GNAT2: variants seen among roughly 807,000 people sequenced by gnomAD.
GNAT2 encodes G protein subunit alpha transducin 2.
A neutral mutation model predicts 40.9 loss-of-function variants in GNAT2; 32 were observed. That is an observed-to-expected ratio of 0.78 (90% CI 0.59 to 1.05). GNAT2 has a LOEUF of 1.05. GNAT2 is among the 50% of genes least tolerant of loss of function. The pLI is 0.00. For missense variants in GNAT2, 355 were observed against 431.5 expected, an observed-to-expected ratio of 0.82 and a Z score of 1.57; for synonymous variants, 141 against 157.2, an observed-to-expected ratio of 0.90 and a Z score of 0.77.
rs1346748178 is a variant in GNAT2 at position 109,609,855 on chromosome 1, T to C, written c.303+185A>G. 7 of 676,626 alleles carry C rather than the reference T, an allele frequency of 1.0e-5. No individual in the cohort carries two copies. The South Asian group carries it at 1.1e-4, about 11-fold the overall frequency. The allele number at this position is 676,626 out of a possible 1,614,324, so 41.9% of individuals were successfully genotyped here. On this transcript the variant is annotated intron_variant, in intron 4 of 8. Transcript: ENST00000679935. ...CCGTCTACCTTAAGGTCTTACTGCG[T>C]AGATGGGTAAAGGGCCTTGAGATGG...
rs1314970248 is a variant in GNAT2, at chr1:109,606,000, A to G, written c.690T>C (p.Tyr230=). Residue 230 remains tyrosine, a synonymous_variant, in exon 7 of 9, where the codon TAT becomes TAC. Coordinates refer to ENST00000679935, the MANE Select transcript of GNAT2 (RefSeq NM_001377295.2). ...CIIFCAALSA[Y]DMVLVEDDEV... ...CGTCATCTTCCACCAGCACCATATC[A>G]TAGGCACTGAGGGCTGCACAGAAAA... is the stretch of plus-strand genomic sequence containing the variant. 7.4e-6 allele frequency: 12 copies of G among 1,613,512 alleles called. No homozygotes were observed. Among genetic ancestry groups the G allele is most frequent in the African/African-American group, 1.3e-5 (1 of 74,928 alleles).
At chr1:109,612,716 C>T (rs1425174750) in intron 2 of GNAT2, 37 bp downstream of exon 2, 1 of 1,250,664 alleles carries the variant, frequency 8.0e-7, no homozygotes, top group Non-Finnish European at 1.2e-6. Context: ...TAGGAAGGAC[C>T]CCTGCCTTCT....
chr1:109,603,334 T>A lies in GNAT2; in HGVS notation c.*20A>T. ...ATTCCAAGCCTGTTTATAGAACTTA[T>A]ACCTGAGGAATGGTGAGGATTAGAA... is the stretch of plus-strand genomic sequence containing the variant. On this transcript the variant is annotated 3_prime_UTR_variant, in exon 9 of 9. Transcript: ENST00000679935. The A allele has an allele frequency of 7.1e-7, 1 of 1,409,760 alleles. No homozygotes were observed. The highest frequency in any genetic ancestry group is 1.0e-6 in the Non-Finnish European group (1 of 994,552). The allele number at this position is 1,409,760 out of a possible 1,614,324, so 87.3% of individuals were successfully genotyped here.
At chr1:109,614,721 G>A (rs1308329959) in intron 1 of GNAT2, 1 of 152,242 alleles carries the variant, frequency 6.6e-6, no homozygotes, top group African/African-American at 2.4e-5. Flanking sequence ...GGGAAGGTCA[G>A]GAGTAGAATC....
At chr1:109,608,922 T>G in intron 4 of GNAT2, 134 bp from the exon 5 acceptor site, 2 of 765,998 alleles carry the variant, frequency 2.6e-6, no homozygotes, top group South Asian at 2.9e-5. Flanking sequence ...CAGTGAAGAT[T>G]CTATGTAAGA....
intron 2 of GNAT2, chr1:109,610,784 A>G (rs1649770342): frequency 1.9e-6 from 1 of 531,156 alleles, no homozygotes; most frequent in Non-Finnish European, 3.4e-6. Flanking sequence ...CTAGAGGCCA[A>G]TAGCATCCCA....
chr1:109,615,793 A>T (rs1000829586), intron 1 of GNAT2: 1 of 152,356 alleles, frequency 6.6e-6, no homozygotes, highest in African/African-American at 2.4e-5. Flanking sequence ...CAAAAACAAA[A>T]AAACAAAGTT....
chr1:109,617,359 G>A (rs1649976102), intron 1 of GNAT2: 1 of 152,270 alleles, frequency 6.6e-6, no homozygotes, highest in Non-Finnish European at 1.5e-5. Flanking sequence ...GGCCAGTTAA[G>A]GAGCCATGTG....
In GNAT2 at chr1:109,604,100, C is replaced by T. The variant is rs142609327; in HGVS notation, c.725G>A (p.Arg242His). 1.2e-5 allele frequency: 19 copies of T among 1,608,218 alleles called. No individual in the cohort carries two copies. Among genetic ancestry groups the T allele is most frequent in the African/African-American group, 4.0e-5 (3 of 74,800 alleles). ...MVLVEDDEVNRMHESLHLFNS... is the reference protein window; with the variant it reads ...MVLVEDDEVNHMHESLHLFNS... Reference sequence around the variant, plus strand: ...GAACAGATGCAAAGACTCATGCATACGATTCTAGTAAGAGGAAACACCATT... The same window carrying T: ...GAACAGATGCAAAGACTCATGCATATGATTCTAGTAAGAGGAAACACCATT... Residue 242 changes from arginine to histidine, a missense_variant, in exon 8 of 9, where the codon CGT becomes CAT. By Grantham distance (29) the Arg-to-His change is conservative. Transcript: ENST00000679935.
intron 1 of GNAT2, chr1:109,617,246 AGG>A (rs1649973772): frequency 6.6e-6 from 1 of 152,212 alleles, no homozygotes; most frequent in Admixed American, 6.5e-5. Context: ...TGGCCTAGCT[AGG>A]GAGGCGGACA....
intron 8 of GNAT2, 50 bp downstream of exon 8, chr1:109,603,901 C>T (rs1429524259): frequency 5.3e-6 from 7 of 1,332,554 alleles, no homozygotes; most frequent in South Asian, 1.2e-5. Context: ...GAGACAATTG[C>T]CAGTCTCTAC....
chr1:109,606,663 C>T (rs1649607224), intron 5 of GNAT2: 2 of 502,796 alleles, frequency 4.0e-6, no homozygotes, highest in Non-Finnish European at 7.2e-6. Context: ...AGTTCCAGCG[C>T]ATTTAAATCA....
At chr1:109,609,122 T>C in intron 4 of GNAT2, 1 of 382,176 alleles carries the variant, frequency 2.6e-6, no homozygotes, top group Non-Finnish European at 5.0e-6. Context: ...ACTGAAAATG[T>C]AAAGGCCAGA....
intron 5 of GNAT2, chr1:109,607,205 A>C (rs983561838): frequency 1.3e-5 from 2 of 152,008 alleles, no homozygotes; most frequent in Admixed American, 1.3e-4. Context: ...TAATCCCAGT[A>C]CTTTGGGAGG....
chr1:109,605,688 C>T, intron 7 of GNAT2: 1 of 410,284 alleles, frequency 2.4e-6, no homozygotes, highest in Non-Finnish European at 4.6e-6. Context: ...TATCTCTTTG[C>T]ACTCAATTCC....
At chr1:109,605,241 A>C (rs1410960226) in intron 7 of GNAT2, 1 of 153,306 alleles carries the variant, frequency 6.5e-6, no homozygotes, top group Non-Finnish European at 1.5e-5. Flanking sequence ...TTGTGAGCAG[A>C]TGCTTGGGTG....
chr1:109,609,909 C>T lies in GNAT2; in HGVS notation c.303+131G>A, dbSNP rs1649739345. On this transcript the variant is annotated intron_variant, in intron 4 of 8. Coordinates refer to ENST00000679935, the MANE Select transcript of GNAT2 (RefSeq NM_001377295.2). ...ACACAGTACACCTAGCAGTGAGATC[C>T]CACCCAGCAGGTGGGATTTTAGTTA... 54 of 910,234 alleles carry T rather than the reference C, an allele frequency of 5.9e-5. No individual in the cohort carries two copies. The South Asian group carries it at 6.8e-4, about 11-fold the overall frequency. 56.4% of individuals were successfully genotyped at this position (910,234 alleles called of 1,614,324 possible).
At chr1:109,609,312 GCTTT>G (rs1440987710) in intron 4 of GNAT2, 1 of 189,822 alleles carries the variant, frequency 5.3e-6, no homozygotes, top group Non-Finnish European at 1.1e-5. Context: ...GCTGTGAGCA[GCTTT>G]ATTTTGTAAA....
chr1:109,612,913 C>T lies in GNAT2; in HGVS notation c.-43G>A, dbSNP rs373698555. ...CTTTTTCAGGCCCCTAATCCTCTCT[C>T]GTAAGGTTTCCTGTATGTGAGATGG... On this transcript the variant is annotated 5_prime_UTR_variant, in exon 2 of 9. Coordinates refer to ENST00000679935, the MANE Select transcript of GNAT2 (RefSeq NM_001377295.2). 78 of 1,267,098 alleles carry T rather than the reference C, an allele frequency of 6.2e-5. No individual in the cohort carries two copies. The highest frequency in any genetic ancestry group is 6.1e-4 in the South Asian group (51 of 84,260). 78.5% of individuals were successfully genotyped at this position (1,267,098 alleles called of 1,614,324 possible). A position where few individuals can be genotyped will look rare whatever the true frequency, so the allele number is the denominator to read the frequency against.
Sources: allele counts gnomAD v4.1 joint callset, GRCh38; gene constraint gnomAD v4.1.1; transcripts MANE v1.5; gene names NCBI Gene and HGNC (gene_info 2026-07-23, HGNC 2026-07-21).